The following NCOR2 variants were observed in gnomAD, a reference collection of about 807,000 sequenced individuals.
The protein encoded by NCOR2 is CTG repeat protein 26.
In NCOR2, 81 loss-of-function variants were observed where a neutral mutation model predicts 262.9. That is an observed-to-expected ratio of 0.31 (90% confidence interval 0.26 to 0.37). NCOR2 has a LOEUF of 0.37. NCOR2 is among the 10% of genes least tolerant of loss of function. NCOR2 has a pLI of 1.00. For missense variants in NCOR2, 3,385 were observed against 3,621.4 expected (o/e 0.93, Z 1.68); for synonymous variants, 1,659 against 1,559.3 (o/e 1.06, Z -1.51).
rs145093920 is a variant in NCOR2, at chr12:124,372,798, C to T, written c.2219-188G>A. 5.9e-3 allele frequency among the ~76,000 whole-genome samples: 905 copies of T among 152,258 alleles called. 9 individuals carry two copies. Among genetic ancestry groups the T allele is most frequent in the African/African-American group, 0.021 (863 of 41,546 alleles). ...GACAAAGCCCCTGACCAGGCCCCTA[C>T]CCACAGCTGCTGCCCTCGCCTGGCC... On this transcript the variant is annotated intron_variant, in intron 19 of 46. Coordinates refer to ENST00000405201, the Ensembl canonical transcript of NCOR2.
intron 40 of NCOR2, 25 bp downstream of exon 42, chr12:124,335,110 G>A (rs2035769927): frequency 1.2e-6 from 2 of 1,612,242 alleles, no homozygotes; most frequent in Admixed American, 3.3e-5. Flanking sequence ...AAGGTGACAA[G>A]CAGCAGCAGA....
At chr12:124,537,368 C>T (rs1218548838), upstream of NCOR2, among the ~76,000 whole-genome samples, 1 of 152,210 alleles carries the variant, frequency 6.6e-6, no homozygotes, top group Non-Finnish European at 1.5e-5. Flanking sequence ...CACCTCGTGC[C>T]AAAGCTGAGG....
intron 9 of NCOR2, 38 bp from the exon 12 acceptor site, chr12:124,429,744 G>T: frequency 6.5e-7 from 1 of 1,541,922 alleles, no homozygotes; most frequent in Non-Finnish European, 8.8e-7. Context: ...CCGGTCTTCT[G>T]GTGGTCGGGG....
At chr12:124,341,571 T>A (rs1378171473) in intron 34 of NCOR2, among the ~76,000 whole-genome samples, 3 of 152,100 alleles carry the variant, frequency 2.0e-5, no homozygotes, top group African/African-American at 7.2e-5. Flanking sequence ...GGCCCCTGTA[T>A]CCTAAGAGTA....
intron 3 of NCOR2, among the ~76,000 whole-genome samples, 186 bp from the exon 6 acceptor site, chr12:124,473,317 C>T (rs1165165187): frequency 6.6e-6 from 1 of 152,182 alleles, no homozygotes; most frequent in East Asian, 1.9e-4. Flanking sequence ...AGAAGGCAGA[C>T]CCACCCTTAA....
chr12:124,554,575 G>T (rs551192803), intron 1 of NCOR2, among the ~76,000 whole-genome samples: 1 of 152,226 alleles, frequency 6.6e-6, no homozygotes, highest in Non-Finnish European at 1.5e-5. Flanking sequence ...TTACAGCACC[G>T]CGAGCACAGA....
At chr12:124,445,383 C>A (rs1212500334) in intron 7 of NCOR2, among the ~76,000 whole-genome samples, 1 of 152,226 alleles carries the variant, frequency 6.6e-6, no homozygotes, top group African/African-American at 2.4e-5. Flanking sequence ...GCAGGGGACA[C>A]CAGCAGCGCC....
At chr12:124,473,101 C>G (rs745394403) in exon 4 of NCOR2, 3 of 1,613,996 alleles carry the variant, frequency 1.9e-6, no homozygotes, top group South Asian at 1.1e-5. Flanking sequence ...GGGGGAGACA[C>G]CGGTTCCAGC....
chr12:124,466,047 G>T (rs552902931), intron 5 of NCOR2, 126 bp downstream of exon 7: 2 of 916,166 alleles, frequency 2.2e-6, no homozygotes, highest in Non-Finnish European at 1.6e-6. Context: ...CTGCGTCTCT[G>T]GGGGAGAGGG....
At chr12:124,436,891 C>G (rs1039633969) in intron 8 of NCOR2, among the ~76,000 whole-genome samples, 2 of 152,122 alleles carry the variant, frequency 1.3e-5, no homozygotes, top group African/African-American at 4.8e-5. Context: ...AGTTCAAGAC[C>G]AGCCTGGTCA....
rs1230900517 is a variant in NCOR2 at position 124,548,150 on chromosome 12, A to C, written c.-164-12539T>G. ...CTCTAACTCTCCTCCACATCACATC[A>C]GGCCTCCTAAACGTGCACTGAGCTG... On this transcript the variant is annotated intron_variant, in intron 1 of 32. Transcript: ENST00000458234. The surrounding 1 kb of genome is among the most constrained non-coding windows in gnomAD (Gnocchi z 5.1). Among the ~76,000 whole-genome samples, 1 of 152,058 alleles carries C rather than the reference A, an allele frequency of 6.6e-6. No individual in the cohort carries two copies. The highest frequency in any genetic ancestry group is 1.5e-5 in the Non-Finnish European group (1 of 67,994).
At chr12:124,396,336 C>T (rs141514059) in intron 16 of NCOR2, among the ~76,000 whole-genome samples, 7 of 152,344 alleles carry the variant, frequency 4.6e-5, no homozygotes, top group South Asian at 2.1e-4. Flanking sequence ...TGCTGAGCTT[C>T]GTGCCATGTG....
rs1452968758 is a variant in NCOR2 at position 124,565,953 on chromosome 12, CCCCGGGTCGCCCTCCCGGCGCAGTCTGG to C, written c.-165+1327_-165+1354del. ...GGCCACCCACGAGGTACACAGCCTG[CCCCGGGTCGCCCTCCCGGCGCAGTCTGG>C]CCCGGAGAGCCCCTTATATCAAAGC... On this transcript the variant is annotated intron_variant, in intron 1 of 32. Coordinates refer to the NCOR2 transcript ENST00000458234. Among the ~76,000 whole-genome samples the C allele has an allele frequency of 5.3e-5, 8 of 152,184 alleles. No homozygotes were observed. The South Asian group carries it at 1.7e-3, about 31-fold the overall frequency.
At chr12:124,437,183 T>C (rs1249006033) in intron 8 of NCOR2, among the ~76,000 whole-genome samples, 1 of 152,260 alleles carries the variant, frequency 6.6e-6, no homozygotes, top group Non-Finnish European at 1.5e-5. Flanking sequence ...TCCTGCCATC[T>C]ACACCCAACA....
At chr12:124,463,001 C>A (rs2046246225) in intron 5 of NCOR2, among the ~76,000 whole-genome samples, 1 of 152,208 alleles carries the variant, frequency 6.6e-6, no homozygotes, top group South Asian at 2.1e-4. Context: ...CCATCTACAT[C>A]TCTATTGGAA....
exon 20 of NCOR2, chr12:124,372,469 G>T: frequency 6.4e-7 from 1 of 1,563,436 alleles, no homozygotes; most frequent in Non-Finnish European, 8.6e-7. Context: ...GATGTCCTCC[G>T]GTGGTGGGGT....
intron 7 of NCOR2, among the ~76,000 whole-genome samples, chr12:124,442,337 T>C (rs192477877): frequency 1.2e-4 from 19 of 152,292 alleles, no homozygotes; most frequent in Middle Eastern, 3.4e-3. Context: ...GATGAGGTCT[T>C]GCTTTGTTGC....
At chr12:124,408,225 G>C (rs2042379615) in intron 13 of NCOR2, among the ~76,000 whole-genome samples, 1 of 152,162 alleles carries the variant, frequency 6.6e-6, no homozygotes. Context: ...TTGGTGGCGG[G>C]CGCCTGTAGT....
intron 1 of NCOR2, among the ~76,000 whole-genome samples, chr12:124,505,102 G>C (rs562908478): frequency 2.0e-5 from 3 of 152,252 alleles, no homozygotes; most frequent in South Asian, 4.1e-4. Context: ...GAAGTGGGCA[G>C]AGGCTATCTA....
Sources: allele counts gnomAD v4.1 joint callset (sites outside exome capture counted in the v4.1 genomes callset), GRCh38; gene constraint gnomAD v4.1.1; non-coding constraint Gnocchi (gnomAD v3.1); transcripts MANE v1.5; gene names NCBI Gene and HGNC (gene_info 2026-07-23, HGNC 2026-07-21).